The following TMEFF1 variants were observed in gnomAD, a reference collection of about 807,000 sequenced individuals.
TMEFF1 encodes transmembrane protein with EGF like and two follistatin like domains 1.
TMEFF1 carries 20 observed loss-of-function variants against 47.5 expected under a neutral mutation model. The observed-to-expected ratio is 0.42, with a 90% CI of 0.30 to 0.61. TMEFF1 has a LOEUF of 0.61. Ranked by LOEUF, TMEFF1 falls within the 20% of genes least tolerant of loss-of-function variation. TMEFF1 has a pLI of 0.19. For synonymous variants in TMEFF1, 162 were observed against 166.3 expected, an observed-to-expected ratio of 0.97 and a Z score of 0.20; for missense variants, 411 against 471.1, an observed-to-expected ratio of 0.87 and a Z score of 1.18.
intron 5 of TMEFF1, among the ~76,000 whole-genome samples, chr9:100,532,260 G>A (rs1337931769): frequency 1.3e-5 from 2 of 152,118 alleles, no homozygotes; most frequent in African/African-American, 4.8e-5. Flanking sequence ...TTAAACTAAA[G>A]AGCCTCTGCA....
chr9:100,534,472 A>T (rs951260685), intron 5 of TMEFF1, among the ~76,000 whole-genome samples: 1 of 152,224 alleles, frequency 6.6e-6, no homozygotes, highest in African/African-American at 2.4e-5. Context: ...TATTCATTTG[A>T]GTGCACGCTT....
chr9:100,572,271 T>C (rs1211923901), intron 8 of TMEFF1, among the ~76,000 whole-genome samples: 1 of 152,094 alleles, frequency 6.6e-6, no homozygotes, highest in East Asian at 1.9e-4. Flanking sequence ...AAAAAAGATA[T>C]ACATTAACAA....
At chr9:100,487,790 A>G (rs1406288902) in intron 1 of TMEFF1, among the ~76,000 whole-genome samples, 3 of 150,776 alleles carry the variant, frequency 2.0e-5, no homozygotes, top group South Asian at 2.1e-4. Context: ...TTTAAATTCT[A>G]GGAAACTGGG....
chr9:100,485,491 A>G (rs1197299534), intron 1 of TMEFF1, among the ~76,000 whole-genome samples: 1 of 152,154 alleles, frequency 6.6e-6, no homozygotes, highest in Non-Finnish European at 1.5e-5. Context: ...TGAACATTCC[A>G]TTTTCCACAT....
chr9:100,546,434 C>T (rs908331352), intron 5 of TMEFF1, among the ~76,000 whole-genome samples: 12 of 151,366 alleles, frequency 7.9e-5, no homozygotes, highest in Admixed American at 7.9e-4. Flanking sequence ...TTCAATCCCC[C>T]CCCCACCAGG....
chr9:100,565,339 C>G (rs1347342480), intron 8 of TMEFF1, among the ~76,000 whole-genome samples: 1 of 152,100 alleles, frequency 6.6e-6, no homozygotes, highest in African/African-American at 2.4e-5. Context: ...TTGTAGTTCC[C>G]TTTGCATTTG....
At chr9:100,481,824 C>T (rs964719585) in intron 1 of TMEFF1, among the ~76,000 whole-genome samples, 31 of 152,022 alleles carry the variant, frequency 2.0e-4, no homozygotes, top group Non-Finnish European at 2.8e-4. Flanking sequence ...GCTCTGTCAC[C>T]GGGCTGGAGT....
intron 2 of TMEFF1, among the ~76,000 whole-genome samples, chr9:100,502,274 C>T (rs534923391): frequency 2.0e-5 from 3 of 151,988 alleles, no homozygotes; most frequent in Non-Finnish European, 4.4e-5. Flanking sequence ...TTTTAATTGA[C>T]AAAAATAATT....
At chr9:100,507,911 G>C (rs750944687) in intron 2 of TMEFF1, among the ~76,000 whole-genome samples, 1 of 151,974 alleles carries the variant, frequency 6.6e-6, no homozygotes, top group Non-Finnish European at 1.5e-5. Context: ...GTGTAATTCT[G>C]GATCAAAAAC....
chr9:100,482,409 G>C (rs1837360102), intron 1 of TMEFF1, among the ~76,000 whole-genome samples: 1 of 150,796 alleles, frequency 6.6e-6, no homozygotes, highest in Non-Finnish European at 1.5e-5. Flanking sequence ...TATTGGCCAG[G>C]CTGGTCTTGA....
At position 100,492,623 on chromosome 9, in the gene TMEFF1, C is replaced by T. The variant is rs541136046; in HGVS notation, c.197-6142C>T. On this transcript the variant is annotated intron_variant, in intron 1 of 9. Coordinates refer to ENST00000374879, the MANE Select transcript of TMEFF1 (RefSeq NM_003692.5). ...GTTCTAAGAGTGTTATTGACACGGA[C>T]TGGGCAGTAGGAGAAGGAAAAAGGA... Among the ~76,000 whole-genome samples the T allele has an allele frequency of 3.5e-4, 53 of 152,190 alleles. 1 individual carries two copies. The Middle Eastern group carries it at 0.01, about 29-fold the overall frequency.
chr9:100,484,807 G>A (rs918431516), intron 1 of TMEFF1, among the ~76,000 whole-genome samples: 2 of 150,614 alleles, frequency 1.3e-5, no homozygotes, highest in Admixed American at 6.7e-5. Context: ...CTCATACCTC[G>A]GCATGAGATT....
intron 5 of TMEFF1, among the ~76,000 whole-genome samples, chr9:100,524,251 T>C (rs936814912): frequency 2.0e-5 from 3 of 152,192 alleles, no homozygotes; most frequent in African/African-American, 7.2e-5. Context: ...TGTTTAAACA[T>C]ACATGTGCAA....
chr9:100,576,589 A>G lies in TMEFF1; in HGVS notation c.1132A>G (p.Arg378Gly), dbSNP rs150772996. 1.9e-6 allele frequency: 3 copies of G among 1,613,234 alleles called. No individual in the cohort carries two copies. In the African/African-American group the frequency reaches 4.0e-5, roughly 22 times the overall value. ...TCATTTTACTTCAGATACGTCATCC[A>G]GAATGGTTTAAACTGATGACTTTTA... ...LGHFTSDTSS[R>G]MV The change falls in exon 10 of 10, where the codon AGA (arginine) becomes GGA (glycine). Residue 378 changes from arginine to glycine, a missense_variant. Transcript: ENST00000374879.
Position 100,473,776 on chromosome 9 carries a change from C to G in TMEFF1, c.196+36C>G. ...TCGGAGCCGGCCCTAGGTCTTCCCA[C>G]CCCTCCGTTGCCGCCTCCCTCGTGG... is the stretch of plus-strand genomic sequence containing the variant. On this transcript the variant is annotated intron_variant, in intron 1 of 9. Coordinates refer to ENST00000374879, the MANE Select transcript of TMEFF1 (RefSeq NM_003692.5). This position sits in a 1 kb window ranked among gnomAD's most constrained non-coding sequence, Gnocchi z 5.4. 7.0e-7 allele frequency: 1 copy of G among 1,438,354 alleles called. No homozygotes were observed. The highest frequency in any genetic ancestry group is 1.4e-5 in the South Asian group (1 of 71,834). The allele number at this position is 1,438,354 out of a possible 1,614,324, so 89.1% of individuals were successfully genotyped here.
chr9:100,533,950 C>G (rs978580649), intron 5 of TMEFF1, among the ~76,000 whole-genome samples: 5 of 152,138 alleles, frequency 3.3e-5, no homozygotes, highest in Non-Finnish European at 7.3e-5. Context: ...ATCTCCTGAC[C>G]TCATGATCCA....
intron 5 of TMEFF1, among the ~76,000 whole-genome samples, chr9:100,533,244 A>T (rs149437887): frequency 4.6e-5 from 7 of 152,252 alleles, no homozygotes; most frequent in African/African-American, 9.6e-5. Context: ...ATAATAATAA[A>T]AAAAAAATGC....
intron 5 of TMEFF1, chr9:100,518,334 C>T: frequency 1.7e-6 from 1 of 573,194 alleles, no homozygotes; most frequent in Non-Finnish European, 2.2e-6. Flanking sequence ...GTAGCCTATT[C>T]CCAATCAGAG....
At chr9:100,551,059 A>G (rs79780591) in intron 7 of TMEFF1, among the ~76,000 whole-genome samples, 2,821 of 152,378 alleles carry the variant, frequency 0.019, 78 homozygotes, top group African/African-American at 0.064. Flanking sequence ...ACAGGTCTAT[A>G]TCTTTGGCCT....
Sources: allele counts gnomAD v4.1 joint callset (sites outside exome capture counted in the v4.1 genomes callset), GRCh38; gene constraint gnomAD v4.1.1; non-coding constraint Gnocchi (gnomAD v3.1); transcripts MANE v1.5; gene names NCBI Gene and HGNC (gene_info 2026-07-23, HGNC 2026-07-21).